Variants in FGF20 observed in about 807,000 individuals in gnomAD.
FGF20 encodes fibroblast growth factor 20.
A neutral mutation model predicts 16.7 loss-of-function variants in FGF20; 8 were observed. That is an observed-to-expected ratio of 0.48 (90% confidence interval 0.28 to 0.87). The LOEUF (loss-of-function observed/expected upper bound fraction) is 0.87. Among genes scored for constraint, FGF20 ranks in the 40% least tolerant of loss-of-function variants. The pLI, the probability that FGF20 is intolerant of heterozygous loss-of-function variation, is 0.10. For synonymous variants in FGF20, 161 were observed against 118.6 expected (o/e 1.36, Z -2.32); for missense variants, 397 against 281.4 (o/e 1.41, Z -2.94).
Position 16,993,240 on chromosome 8 carries a change from A to G in FGF20, c.468T>C (p.Tyr156=), listed in dbSNP as rs758581730. 4 of 1,614,032 alleles carry G rather than the reference A, an allele frequency of 2.5e-6. No homozygotes were observed. In the East Asian group the frequency reaches 6.7e-5, roughly 27 times the overall value. The part of the protein sequence containing the change: ...NWYNTYSSNI[Y]KHGDTGRRYF... The stretch of plus-strand genomic sequence containing the variant: ...ACCTGCGGCCAGTGTCTCCATGTTT[A>G]TATATGTTAGATGAATAGGTGTTAT... The change falls in exon 3 of 3, where the codon TAT becomes TAC. Residue 156 remains tyrosine (Y), a synonymous_variant. Coordinates refer to ENST00000180166, the MANE Select transcript of FGF20 (RefSeq NM_019851.3).
intron 1 of FGF20, among the ~76,000 whole-genome samples, chr8:16,999,518 CTTTTTTTTTT>C (rs370808443): frequency 5.2e-4 from 45 of 85,836 alleles, no homozygotes; most frequent in African/African-American, 2.0e-3. Flanking sequence ...TACAAGTTTC[CTTTTTTTTTT>C]TTTTTTTTTT....
At chr8:16,996,070 C>A (rs986409876) in intron 1 of FGF20, among the ~76,000 whole-genome samples, 2 of 152,108 alleles carry the variant, frequency 1.3e-5, no homozygotes, top group African/African-American at 4.8e-5. Context: ...CCCTTTGCAG[C>A]GGGGAGGAGC....
chr8:16,993,258 G>C lies in FGF20; in HGVS notation c.450C>G (p.Thr150=), dbSNP rs781347523. Residue 150 remains threonine, a synonymous_variant, in exon 3 of 3, where the codon ACC becomes ACG. Transcript: ENST00000180166. ...REQFEENWYN[T]YSSNIYKHGD... Reference sequence around the variant, plus strand: ...CATGTTTATATATGTTAGATGAATAGGTGTTATACCAGTTCTCTTCAAACT... The same window carrying C: ...CATGTTTATATATGTTAGATGAATACGTGTTATACCAGTTCTCTTCAAACT... 6.8e-6 allele frequency: 11 copies of C among 1,613,932 alleles called. No homozygotes were observed. In the South Asian group the frequency reaches 1.1e-4, roughly 16 times the overall value.
At chr8:17,000,750 C>G (rs1016452527) in intron 1 of FGF20, among the ~76,000 whole-genome samples, 2 of 151,854 alleles carry the variant, frequency 1.3e-5, no homozygotes, top group Non-Finnish European at 2.9e-5. Context: ...TCTAGTTACA[C>G]AGCTAGTGAG....
chr8:16,992,265 C>T lies in FGF20; in HGVS notation c.*807G>A, dbSNP rs1008771839. On this transcript the variant is annotated 3_prime_UTR_variant, in exon 3 of 3. Transcript: ENST00000180166. The stretch of plus-strand genomic sequence containing the variant: ...ATTTTTCTAGGCCAAAAGAAACCAA[C>T]GTTACATTTAGAAGGCAATTGACTG... 4.6e-5 allele frequency: 7 copies of T among 152,004 alleles called. No homozygotes were observed. Among genetic ancestry groups the T allele is most frequent in the Admixed American group, 1.3e-4 (2 of 15,256 alleles). 9.4% of individuals were successfully genotyped at this position (152,004 alleles called of 1,614,324 possible). A position where few individuals can be genotyped will look rare whatever the true frequency, so the allele number is the denominator to read the frequency against.
At chr8:16,993,407 G>T in intron 2 of FGF20, 90 bp from the exon 3 acceptor site, 2 of 1,305,488 alleles carry the variant, frequency 1.5e-6, no homozygotes, top group Non-Finnish European at 2.1e-6. Flanking sequence ...TCATTTCTTT[G>T]CCTTGTCAAA....
In FGF20 at chr8:16,993,064, A is replaced by G. The variant is rs369979222; in HGVS notation, c.*8T>C. On this transcript the variant is annotated 3_prime_UTR_variant, in exon 3 of 3. Transcript: ENST00000180166. Reference sequence around the variant, plus strand: ...GGTTTGACTCTTCCATAATGTCACTATCGCACTTCAAGTGTACATCAGTAG... The same window carrying G: ...GGTTTGACTCTTCCATAATGTCACTGTCGCACTTCAAGTGTACATCAGTAG... The G allele has an allele frequency of 2.5e-6, 4 of 1,612,810 alleles. No homozygotes were observed. Among genetic ancestry groups the G allele is most frequent in the Middle Eastern group, 1.6e-4 (1 of 6,080 alleles).
chr8:16,995,536 C>T, intron 2 of FGF20, 119 bp downstream of exon 2: 1 of 454,942 alleles, frequency 2.2e-6, no homozygotes, highest in Middle Eastern at 5.6e-4. Context: ...ATTTCAATTT[C>T]TACGTAAGTA....
chr8:17,000,936 C>T (rs1440007065), intron 1 of FGF20, among the ~76,000 whole-genome samples: 1 of 152,040 alleles, frequency 6.6e-6, no homozygotes, highest in Non-Finnish European at 1.5e-5. Flanking sequence ...TTCCTCTTTC[C>T]TAAAGTCGAT....
intron 1 of FGF20, among the ~76,000 whole-genome samples, chr8:17,001,199 T>G (rs901372154): frequency 1.3e-5 from 2 of 152,138 alleles, no homozygotes; most frequent in African/African-American, 4.8e-5. Flanking sequence ...GGTAGACACG[T>G]AAATGCTCGC....
At chr8:16,995,438 G>C (rs915206259) in intron 2 of FGF20, among the ~76,000 whole-genome samples, 3 of 152,176 alleles carry the variant, frequency 2.0e-5, no homozygotes, top group African/African-American at 7.2e-5. Context: ...AAGAACTAAT[G>C]AGCTGAAGGT....
At position 16,992,966 on chromosome 8, in the gene FGF20, A is replaced by C; in HGVS notation, c.*106T>G. 1 of 1,373,616 alleles carries C rather than the reference A, an allele frequency of 7.3e-7. No homozygotes were observed. The highest frequency in any genetic ancestry group is 2.3e-5 in the Admixed American group (1 of 43,546). The allele number at this position is 1,373,616 out of a possible 1,614,324, so 85.1% of individuals were successfully genotyped here. On this transcript the variant is annotated 3_prime_UTR_variant, in exon 3 of 3. Transcript: ENST00000180166. ...CAAATCCAGTCTCTCAGTAGAAAAT[A>C]GACTTTAATATTTTGAACGTCTCCT...
At position 16,993,127 on chromosome 8, in the gene FGF20, G is replaced by A. The variant is rs764646776; in HGVS notation, c.581C>T (p.Pro194Leu). The change falls in exon 3 of 3, where the codon CCA becomes CTA. Residue 194 changes from proline (P) to leucine (L), a missense_variant. Transcript: ENST00000180166. ...TTCTGGAACTCTTTCTGGATCCACTGGTCTAGGTAAGAAATGTGTAAATTT... is the reference window on the plus strand; with the variant it reads ...TTCTGGAACTCTTTCTGGATCCACTAGTCTAGGTAAGAAATGTGTAAATTT... ...HQKFTHFLPR[P>L]VDPERVPELY... The A allele has an allele frequency of 1.2e-6, 2 of 1,614,008 alleles. No homozygotes were observed. The highest frequency in any genetic ancestry group is 1.7e-6 in the Non-Finnish European group (2 of 1,179,980).
At position 16,992,811 on chromosome 8, in the gene FGF20, G is replaced by A. The variant is rs1199490603; in HGVS notation, c.*261C>T. On this transcript the variant is annotated 3_prime_UTR_variant, in exon 3 of 3. Transcript: ENST00000180166. The stretch of plus-strand genomic sequence containing the variant: ...GGTTCCCATTATCCACAGTTTAACA[G>A]ATTTTTGGCTTCAGTCTACTGGTAA... 9.5e-6 allele frequency: 3 copies of A among 316,066 alleles called. No homozygotes were observed. The East Asian group carries it at 1.9e-4, about 20-fold the overall frequency. 19.6% of individuals were successfully genotyped at this position (316,066 alleles called of 1,614,324 possible).
chr8:16,993,467 G>A (rs908569355), intron 2 of FGF20, 150 bp from the exon 3 acceptor site: 1 of 787,996 alleles, frequency 1.3e-6, no homozygotes, highest in Non-Finnish European at 1.9e-6. Context: ...TAGTTCATAT[G>A]TCATCTCTGA....
intron 1 of FGF20, among the ~76,000 whole-genome samples, chr8:16,996,465 G>T (rs1285218735): frequency 1.3e-5 from 2 of 152,330 alleles, no homozygotes; most frequent in East Asian, 3.9e-4. Context: ...CCCTAAAGGA[G>T]ATGGGTGAGG....
Position 17,002,320 on chromosome 8 carries a change from A to T in FGF20, c.-288T>A, listed in dbSNP as rs553932286. ...ACTAGGGCTGTTGGCTGGGGCTCCA[A>T]TTCCGCAAACTGATCAGATCAGAGT... On this transcript the variant is annotated 5_prime_UTR_variant, in exon 1 of 3. In the 5' UTR this introduces an upstream ATG that the reference lacks. Coordinates refer to ENST00000180166, the MANE Select transcript of FGF20 (RefSeq NM_019851.3). 55 of 365,172 alleles carry T rather than the reference A, an allele frequency of 1.5e-4. No homozygotes were observed. The highest frequency in any genetic ancestry group is 1.1e-3 in the African/African-American group (52 of 46,724). The allele number at this position is 365,172 out of a possible 1,614,324, so 22.6% of individuals were successfully genotyped here.
chr8:17,002,159 G>T lies in FGF20; in HGVS notation c.-127C>A. 1 of 970,132 alleles carries T rather than the reference G, an allele frequency of 1.0e-6. No individual in the cohort carries two copies. Among genetic ancestry groups the T allele is most frequent in the Non-Finnish European group, 1.4e-6 (1 of 713,290 alleles). The allele number at this position is 970,132 out of a possible 1,614,324, so 60.1% of individuals were successfully genotyped here. Reference sequence around the variant, plus strand: ...AGTTAAGGCCCGGTTACTCCTCTGAGGTCGCTCCGGAGGGACTTTGCACTG... The same window carrying T: ...AGTTAAGGCCCGGTTACTCCTCTGATGTCGCTCCGGAGGGACTTTGCACTG... On this transcript the variant is annotated 5_prime_UTR_variant, in exon 1 of 3. Transcript: ENST00000180166.
intron 2 of FGF20, among the ~76,000 whole-genome samples, chr8:16,994,433 T>C (rs1370905588): frequency 1.3e-5 from 2 of 151,796 alleles, no homozygotes; most frequent in Non-Finnish European, 2.9e-5. Flanking sequence ...AAACCACAGT[T>C]GCTTTTTTTA....
Sources: gnomAD v4.1 joint callset for allele counts (sites outside exome capture counted in the v4.1 genomes callset) on GRCh38, gnomAD v4.1.1 for gene constraint, MANE v1.5 for transcripts, NCBI Gene and HGNC (gene_info 2026-07-23, HGNC 2026-07-21) for gene names.